XRCC4: variants seen among roughly 807,000 people sequenced by gnomAD.
XRCC4 encodes the protein X-ray repair cross complementing 4.
XRCC4 carries 28 observed loss-of-function variants against 39.1 expected under a neutral mutation model. The ratio of observed to expected loss-of-function variants is 0.72; its 90% CI spans 0.53 to 0.98. The LOEUF (loss-of-function observed/expected upper bound fraction) is 0.98. Among genes scored for constraint, XRCC4 ranks in the 50% least tolerant of loss-of-function variants. The pLI is 0.00. For missense variants in XRCC4, 350 were observed against 376.4 expected, an observed-to-expected ratio of 0.93 and a Z score of 0.58; for synonymous variants, 123 against 126.4, an observed-to-expected ratio of 0.97 and a Z score of 0.18.
chr5:83,321,514 GGTAGCCTTGCCT>G (rs28360309), intron 7 of XRCC4, among the ~76,000 whole-genome samples: 2,994 of 152,100 alleles, frequency 0.02, 34 homozygotes, highest in Middle Eastern at 0.061. Flanking sequence ...TTATTTTCTT[GGTAGCCTTGCCT>G]GTTCCTATTA....
Position 83,277,750 on chromosome 5 carries a change from C to G in XRCC4, c.893+19073C>G, listed in dbSNP as rs181955223. Among the ~76,000 whole-genome samples, 404 of 152,280 alleles carry G rather than the reference C, an allele frequency of 2.7e-3. 4 individuals carry two copies. Among genetic ancestry groups the G allele is most frequent in the African/African-American group, 9.4e-3 (391 of 41,558 alleles). On this transcript the variant is annotated intron_variant, in intron 7 of 7. Coordinates refer to ENST00000396027, the MANE Select transcript of XRCC4 (RefSeq NM_003401.5). ...GTTTAGCTACCTTGTTACAAATTTA[C>G]AAGTTTGTAACACATTTCTAAATGT...
intron 7 of XRCC4, among the ~76,000 whole-genome samples, chr5:83,263,250 G>A (rs1189794021): frequency 6.6e-6 from 1 of 151,714 alleles, no homozygotes; most frequent in African/African-American, 2.4e-5. Flanking sequence ...ATCATTGTTG[G>A]ACATTTGGGT....
intron 7 of XRCC4, among the ~76,000 whole-genome samples, chr5:83,302,147 C>A (rs956645347): frequency 2.6e-5 from 4 of 151,970 alleles, no homozygotes; most frequent in Non-Finnish European, 4.4e-5. Context: ...TGCTGGGTTC[C>A]GTGCGGGTGG....
chr5:83,359,933 C>T, the XRCC4 span, among the ~76,000 whole-genome samples: 1 of 152,072 alleles, frequency 6.6e-6, no homozygotes, highest in African/African-American at 2.4e-5. Flanking sequence ...GTCTTATCTA[C>T]ATTAGATGTA....
intron 7 of XRCC4, among the ~76,000 whole-genome samples, chr5:83,279,579 T>A (rs1476439244): frequency 6.6e-6 from 1 of 152,234 alleles, no homozygotes; most frequent in South Asian, 2.1e-4. Flanking sequence ...ATAACTTAAA[T>A]GTGATATGGT....
chr5:83,324,448 C>T (rs979553949), intron 7 of XRCC4, among the ~76,000 whole-genome samples: 5 of 152,086 alleles, frequency 3.3e-5, no homozygotes, highest in Non-Finnish European at 7.4e-5. Context: ...ATTGATCAAA[C>T]ATTAAAAATA....
At chr5:83,305,625 T>A (rs1191023898) in intron 7 of XRCC4, among the ~76,000 whole-genome samples, 1 of 152,144 alleles carries the variant, frequency 6.6e-6, no homozygotes, top group Non-Finnish European at 1.5e-5. Context: ...TTAATTTAGA[T>A]ATAAAATTGG....
In XRCC4 at chr5:83,291,368, C is replaced by T. The variant is rs112449554; in HGVS notation, c.893+32691C>T. On this transcript the variant is annotated intron_variant, in intron 7 of 7. Coordinates refer to ENST00000396027, the MANE Select transcript of XRCC4 (RefSeq NM_003401.5). ...GTATAATTCTATGTCACAATCCACA[C>T]TGAGATTATTATCTTTAAAAAATTG... Among the ~76,000 whole-genome samples, 694 of 151,860 alleles carry T rather than the reference C, an allele frequency of 4.6e-3. 2 individuals carry two copies. The highest frequency in any genetic ancestry group is 0.016 in the African/African-American group (663 of 41,442).
chr5:83,254,742 A>G (rs975191822), intron 6 of XRCC4, among the ~76,000 whole-genome samples: 5 of 152,162 alleles, frequency 3.3e-5, no homozygotes, highest in Non-Finnish European at 7.3e-5. Flanking sequence ...AAGACAATGA[A>G]AAGACCAAAC....
intron 3 of XRCC4, among the ~76,000 whole-genome samples, chr5:83,194,521 C>A (rs1441162590): frequency 6.6e-6 from 1 of 152,032 alleles, no homozygotes; most frequent in African/African-American, 2.4e-5. Flanking sequence ...AAATTATCAA[C>A]CATATTAAAT....
intron 7 of XRCC4, among the ~76,000 whole-genome samples, chr5:83,339,240 T>G (rs183291169): frequency 1.8e-3 from 273 of 152,320 alleles, no homozygotes; most frequent in African/African-American, 6.2e-3. Context: ...TCTGACTTCT[T>G]CTAGTGCTGA....
intron 6 of XRCC4, among the ~76,000 whole-genome samples, chr5:83,219,911 T>A (rs1752016287): frequency 6.6e-6 from 1 of 152,146 alleles, no homozygotes; most frequent in Non-Finnish European, 1.5e-5. Context: ...ATATATATAT[T>A]CAACATAGTC....
At chr5:83,337,912 C>G (rs1343574392) in intron 7 of XRCC4, among the ~76,000 whole-genome samples, 1 of 152,080 alleles carries the variant, frequency 6.6e-6, no homozygotes, top group Admixed American at 6.6e-5. Flanking sequence ...GACCTTCTCT[C>G]CCGGAAGAGT....
chr5:83,371,669 A>G, the XRCC4 span, among the ~76,000 whole-genome samples: 2 of 152,224 alleles, frequency 1.3e-5, no homozygotes, highest in African/African-American at 4.8e-5. Context: ...ATTGGCTGGT[A>G]CATGAGTGTG....
chr5:83,102,361 G>A (rs150567188), intron 1 of XRCC4, among the ~76,000 whole-genome samples: 2 of 152,214 alleles, frequency 1.3e-5, no homozygotes, highest in African/African-American at 4.8e-5. Flanking sequence ...TACTTAATCT[G>A]TATGGACCCT....
At chr5:83,087,762 C>A (rs1013497639) in intron 1 of XRCC4, among the ~76,000 whole-genome samples, 8 of 151,926 alleles carry the variant, frequency 5.3e-5, no homozygotes, top group African/African-American at 1.9e-4. Context: ...ACAATCTTAT[C>A]TTTGAAAATT....
intron 3 of XRCC4, among the ~76,000 whole-genome samples, chr5:83,192,916 G>T (rs773509239): frequency 6.6e-6 from 1 of 152,164 alleles, no homozygotes; most frequent in African/African-American, 2.4e-5. Flanking sequence ...AAGAACAGCT[G>T]TGACAGTAAC....
At position 83,203,722 on chromosome 5, in the gene XRCC4, T is replaced by G. The variant is rs1751307287; in HGVS notation, c.638+15T>G. Reference sequence around the variant, plus strand: ...AAACAAGAAGGGTATTTTCGCTATCTTGTTTTTGGATGACAGATGAATACA... The same window carrying G: ...AAACAAGAAGGGTATTTTCGCTATCGTGTTTTTGGATGACAGATGAATACA... On this transcript the variant is annotated intron_variant, in intron 5 of 7. Transcript: ENST00000396027. The G allele has an allele frequency of 6.2e-7, 1 of 1,607,530 alleles. No individual in the cohort carries two copies. Among genetic ancestry groups the G allele is most frequent in the Non-Finnish European group, 8.5e-7 (1 of 1,177,544 alleles).
At chr5:83,226,366 G>A (rs1026330588) in intron 6 of XRCC4, among the ~76,000 whole-genome samples, 1 of 152,070 alleles carries the variant, frequency 6.6e-6, no homozygotes. Flanking sequence ...CTCTGGGGCT[G>A]GAGGGAGGGT....
Sources: gnomAD v4.1 joint callset for allele counts (sites outside exome capture counted in the v4.1 genomes callset) on GRCh38, gnomAD v4.1.1 for gene constraint, MANE v1.5 for transcripts, NCBI Gene and HGNC (gene_info 2026-07-23, HGNC 2026-07-21) for gene names.